The following ODC1 variants were observed in gnomAD, a reference collection of about 807,000 sequenced individuals.
ODC1 encodes the protein ornithine decarboxylase.
Under a neutral mutation model 41.5 loss-of-function variants are expected in ODC1, and 18 were observed. That is an observed-to-expected ratio of 0.43 (90% confidence interval 0.30 to 0.64). The LOEUF is 0.64. ODC1 is among the 30% of genes least tolerant of loss of function. The pLI is 0.11. For missense variants in ODC1, 504 were observed against 589.0 expected (o/e 0.86, Z 1.49); for synonymous variants, 218 against 211.6 (o/e 1.03, Z -0.26).
rs577671630 is a variant in ODC1 at position 10,440,840 on chromosome 2, C to T, written c.1270G>A (p.Asp424Asn). ...WQLMQQFQNP[D>N]FPPEVEEQDA... ...TGTTCCTCTACTTCGGGTGGGAAGT[C>T]GGGGTTCTGGAATTGCTGCATGAGT... Residue 424 changes from aspartate to asparagine, a missense_variant, in exon 12 of 12, where the codon GAC (aspartate) becomes AAC (asparagine). Physicochemically the swap from Asp to Asn is conservative, Grantham distance 23. Around this residue, in one of 3 missense-constraint regions of ODC1, gnomAD observed 447 missense variants for 524.4 expected, o/e 0.85. Coordinates refer to ENST00000234111, the MANE Select transcript of ODC1 (RefSeq NM_002539.3). 4.3e-6 allele frequency: 7 copies of T among 1,613,980 alleles called. No homozygotes were observed. The highest frequency in any genetic ancestry group is 2.2e-5 in the South Asian group (2 of 91,068).
At position 10,440,900 on chromosome 2, in the gene ODC1, C is replaced by A. The variant is rs1200152066; in HGVS notation, c.1242-32G>T. 4 of 1,612,708 alleles carry A rather than the reference C, an allele frequency of 2.5e-6. No individual in the cohort carries two copies. In the African/African-American group the frequency reaches 4.0e-5, roughly 16 times the overall value. Reference sequence around the variant, plus strand: ...AAGAAAAAGTGGCATATTAAAAACCCTGACTCACTCCTAACTGGGCATGAG... The same window carrying A: ...AAGAAAAAGTGGCATATTAAAAACCATGACTCACTCCTAACTGGGCATGAG... On this transcript the variant is annotated intron_variant, in intron 11 of 11. Coordinates refer to ENST00000234111, the MANE Select transcript of ODC1 (RefSeq NM_002539.3).
rs1327990564 is a variant in ODC1 at position 10,448,296 on chromosome 2, C to A, written c.-303G>T. Reference sequence around the variant, plus strand: ...GAGCTGCTGGCAGAGGGGCGGCGGGCGGCGGCGGCGGCGGCTACAGGAGGG... The same window carrying A: ...GAGCTGCTGGCAGAGGGGCGGCGGGAGGCGGCGGCGGCGGCTACAGGAGGG... On this transcript the variant is annotated 5_prime_UTR_variant, in exon 1 of 12. Transcript: ENST00000234111. 4.3e-6 allele frequency: 1 copy of A among 232,620 alleles called. No individual in the cohort carries two copies. Among genetic ancestry groups the A allele is most frequent in the Non-Finnish European group, 8.3e-6 (1 of 120,486 alleles). The allele number at this position is 232,620 out of a possible 1,614,324, so 14.4% of individuals were successfully genotyped here.
intron 1 of ODC1, among the ~76,000 whole-genome samples, chr2:10,447,158 T>G (rs1443314327): frequency 7.2e-5 from 11 of 152,248 alleles, no homozygotes; most frequent in Non-Finnish European, 2.9e-5. Flanking sequence ...TTCTGTATCT[T>G]TTAAGGCGTT....
rs1179111157 is a variant in ODC1, at chr2:10,445,806, TTG to T, written c.-127-544_-127-543del. On this transcript the variant is annotated intron_variant, in intron 1 of 11. Transcript: ENST00000234111. ...GCCTGCCACCATGCCCGGCTAATTT[TTG>T]TGTTTTTAGTAGAGACAGGATTTCA... Among the ~76,000 whole-genome samples the T allele has an allele frequency of 9.9e-5, 15 of 151,894 alleles. No individual in the cohort carries two copies. The East Asian group carries it at 2.9e-3, about 30-fold the overall frequency.
chr2:10,444,390 C>T, intron 4 of ODC1, 84 bp downstream of exon 4: 1 of 1,514,636 alleles, frequency 6.6e-7, no homozygotes, highest in African/African-American at 1.4e-5. Context: ...ATTTATTGCC[C>T]AAAAAACACA....
intron 1 of ODC1, among the ~76,000 whole-genome samples, chr2:10,447,275 T>G (rs530710819): frequency 6.6e-6 from 1 of 152,338 alleles, no homozygotes; most frequent in East Asian, 1.9e-4. Flanking sequence ...GAGGATAATG[T>G]TAGAAGAGAT....
intron 8 of ODC1, 79 bp from the exon 9 acceptor site, chr2:10,442,253 G>C (rs960680123): frequency 1.4e-6 from 2 of 1,407,904 alleles, no homozygotes; most frequent in Non-Finnish European, 1.9e-6. Context: ...ACAGGGCCTT[G>C]TGACATGACA....
In ODC1 at chr2:10,443,213, G is replaced by A; in HGVS notation, c.750+17C>T. On this transcript the variant is annotated intron_variant, in intron 8 of 11. Transcript: ENST00000234111. Reference sequence around the variant, plus strand: ...ATTAGAACGGCTACTGAGTATTACAGTTTTGTTCTAAATTACCTCTTCAAA... The same window carrying A: ...ATTAGAACGGCTACTGAGTATTACAATTTTGTTCTAAATTACCTCTTCAAA... 1.9e-6 allele frequency: 3 copies of A among 1,587,916 alleles called. No individual in the cohort carries two copies. Among genetic ancestry groups the A allele is most frequent in the Non-Finnish European group, 2.6e-6 (3 of 1,163,524 alleles).
In ODC1 at chr2:10,444,951, T is replaced by C. The variant is rs769335600; in HGVS notation, c.82A>G (p.Ile28Val). 2 of 1,611,702 alleles carry C rather than the reference T, an allele frequency of 1.2e-6. No homozygotes were observed. The highest frequency in any genetic ancestry group is 1.1e-5 in the South Asian group (1 of 90,994). ...CTTACAGAAGAAGAAACTTCATTAA[T>C]TTTCTGGTCCAGAATGTCCTTGGCA... Reference protein sequence around the residue: ...FTAKDILDQKINEVSSSDDKD... With the variant: ...FTAKDILDQKVNEVSSSDDKD... Residue 28 changes from isoleucine to valine, a missense_variant, in exon 3 of 12, where the codon ATT becomes GTT. Physicochemically the swap from Ile to Val is conservative, Grantham distance 29. Coordinates refer to ENST00000234111, the MANE Select transcript of ODC1 (RefSeq NM_002539.3).
intron 1 of ODC1, among the ~76,000 whole-genome samples, chr2:10,445,658 CAG>C (rs1379378470): frequency 3.9e-5 from 6 of 152,096 alleles, no homozygotes; most frequent in Non-Finnish European, 7.4e-5. Flanking sequence ...TTTTTTGAGA[CAG>C]AGTCTCACGC....
rs28362420 is a variant in ODC1, at chr2:10,440,045, C to T, written c.*679G>A. 1.8e-3 allele frequency: 268 copies of T among 152,448 alleles called. 3 individuals carry two copies. The highest frequency in any genetic ancestry group is 1.3e-3 in the Non-Finnish European group (91 of 68,114). 9.4% of individuals were successfully genotyped at this position (152,448 alleles called of 1,614,324 possible). A position where few individuals can be genotyped will look rare whatever the true frequency, so the allele number is the denominator to read the frequency against. On this transcript the variant is annotated 3_prime_UTR_variant, in exon 12 of 12. Transcript: ENST00000234111. ...TACCGTATACATTCCTAACTTCTCA[C>T]AGGCATGAAGGTGGGAGGGGACACG...
In ODC1 at chr2:10,445,068, CA is replaced by C; in HGVS notation, c.-17-20del. ...TGTTCCTCTGAAATGCAACAAAATG[CA>C]AATAGAGTGGAGAAATTCACTTAGA... On this transcript the variant is annotated intron_variant, in intron 2 of 11. Coordinates refer to ENST00000234111, the MANE Select transcript of ODC1 (RefSeq NM_002539.3). 1 of 1,316,860 alleles carries C rather than the reference CA, an allele frequency of 7.6e-7. No individual in the cohort carries two copies. Among genetic ancestry groups the C allele is most frequent in the South Asian group, 1.2e-5 (1 of 84,740 alleles). The allele number at this position is 1,316,860 out of a possible 1,614,324, so 81.6% of individuals were successfully genotyped here.
chr2:10,447,922 C>G (rs1672088024), intron 1 of ODC1, 199 bp downstream of exon 1: 2 of 152,194 alleles, frequency 1.3e-5, no homozygotes, highest in Non-Finnish European at 2.9e-5. Context: ...AACGAGGCGC[C>G]CGGATCACCC....
rs1345902775 is a variant in ODC1, at chr2:10,448,179, G to C, written c.-186C>G. 2.2e-5 allele frequency: 4 copies of C among 184,868 alleles called. No homozygotes were observed. The highest frequency in any genetic ancestry group is 4.4e-5 in the Non-Finnish European group (4 of 90,700). 11.5% of individuals were successfully genotyped at this position (184,868 alleles called of 1,614,324 possible). A position where few individuals can be genotyped will look rare whatever the true frequency, so the allele number is the denominator to read the frequency against. On this transcript the variant is annotated 5_prime_UTR_variant, in exon 1 of 12. Coordinates refer to ENST00000234111, the MANE Select transcript of ODC1 (RefSeq NM_002539.3). Reference sequence around the variant, plus strand: ...TGGGGAAGCGCAGACGCCGGAGCCTGAGTCGCAGCCGCAGGAGCGCTCGGC... The same window carrying C: ...TGGGGAAGCGCAGACGCCGGAGCCTCAGTCGCAGCCGCAGGAGCGCTCGGC...
At chr2:10,446,219 C>T (rs1255906580) in intron 1 of ODC1, among the ~76,000 whole-genome samples, 2 of 150,786 alleles carry the variant, frequency 1.3e-5, no homozygotes, top group African/African-American at 4.9e-5. Context: ...CCTCAACCTC[C>T]GCCTCCTGGG....
chr2:10,447,359 A>G lies in ODC1; in HGVS notation c.-128+762T>C, dbSNP rs1445314571. 2.0e-5 allele frequency: 3 copies of G among 152,270 alleles called. No individual in the cohort carries two copies. The East Asian group carries it at 5.8e-4, about 29-fold the overall frequency. 9.4% of individuals were successfully genotyped at this position (152,270 alleles called of 1,614,324 possible). On this transcript the variant is annotated intron_variant, in intron 1 of 11. Transcript: ENST00000234111. ...AGTCTGCCCAATTTTATGTTTAAAC[A>G]AAGTCAGCCAACACATTCTTTGTCC...
In ODC1 at chr2:10,443,818, G is replaced by A. The variant is rs774367424; in HGVS notation, c.468C>T (p.Ala156=). 34 of 1,613,912 alleles carry A rather than the reference G, an allele frequency of 2.1e-5. No homozygotes were observed. The highest frequency in any genetic ancestry group is 3.3e-5 in the Admixed American group (2 of 59,990). Residue 156 remains alanine, a synonymous_variant, in exon 6 of 12, where the codon GCC becomes GCT. Coordinates refer to ENST00000234111, the MANE Select transcript of ODC1 (RefSeq NM_002539.3). ...HPKAKLVLRI[A]TDDSKAVCRL... is the part of the protein sequence containing the mutation. ...GACAGACTGCTTTGGAATCATCAGT[G>A]GCAATCCGCAAAACCAACCTACAAG...
chr2:10,440,570 A>C lies in ODC1; in HGVS notation c.*154T>G. ...AAATAGTTTCCATAGGAACACAGAT[A>C]AGTGTGACCCATATCCTAGTCTTCC... On this transcript the variant is annotated 3_prime_UTR_variant, in exon 12 of 12. Transcript: ENST00000234111. The C allele has an allele frequency of 1.6e-6, 1 of 641,290 alleles. No individual in the cohort carries two copies. The highest frequency in any genetic ancestry group is 2.6e-6 in the Non-Finnish European group (1 of 383,092). The allele number at this position is 641,290 out of a possible 1,614,324, so 39.7% of individuals were successfully genotyped here.
Position 10,448,023 on chromosome 2 carries a change from G to T in ODC1, c.-128+98C>A, listed in dbSNP as rs1672093272. ...CGACCACGTGTCTCCGCAGGCCGGCGAGGCGCGCCGCACACGTGCCCGGGG... is the reference window on the plus strand; with the variant it reads ...CGACCACGTGTCTCCGCAGGCCGGCTAGGCGCGCCGCACACGTGCCCGGGG... On this transcript the variant is annotated intron_variant, in intron 1 of 11. Coordinates refer to ENST00000234111, the MANE Select transcript of ODC1 (RefSeq NM_002539.3). The T allele has an allele frequency of 3.2e-5, 5 of 154,266 alleles. No homozygotes were observed. The South Asian group carries it at 1.0e-3, about 32-fold the overall frequency. 9.6% of individuals were successfully genotyped at this position (154,266 alleles called of 1,614,324 possible).
Sources: allele counts gnomAD v4.1 joint callset (sites outside exome capture counted in the v4.1 genomes callset), GRCh38; gene constraint gnomAD v4.1.1; regional missense constraint gnomAD v4.1.1; transcripts MANE v1.5; gene names NCBI Gene and HGNC (gene_info 2026-07-23, HGNC 2026-07-21).